SPAG4: variants seen among roughly 807,000 people sequenced by gnomAD.
SPAG4 encodes sperm associated antigen 4.
A neutral mutation model predicts 53.9 loss-of-function variants in SPAG4; 54 were observed. That is an observed-to-expected ratio of 1.00 (90% CI 0.80 to 1.26). The LOEUF is 1.26. Among genes scored for constraint, SPAG4 ranks in the 50% most tolerant of loss-of-function variants. SPAG4 has a pLI of 0.00. For missense variants in SPAG4, 548 were observed against 568.6 expected (o/e 0.96, Z 0.37); for synonymous variants, 246 against 237.4 (o/e 1.04, Z -0.33).
In SPAG4 at chr20:35,620,938, C is replaced by G; in HGVS notation, c.1230C>G (p.Pro410=). The G allele has an allele frequency of 6.2e-7, 1 of 1,614,220 alleles. No individual in the cohort carries two copies. The highest frequency in any genetic ancestry group is 8.5e-7 in the Non-Finnish European group (1 of 1,180,042). ...KIQILSNWGH[P]RFTCLYRVRA... is the part of the protein sequence containing the mutation. ...AGATTCTAAGCAACTGGGGCCACCC[C>G]CGTTTCACGTGCTTGTATCGAGTCC... Residue 410 remains proline, a synonymous_variant, in exon 12 of 12, where the codon CCC becomes CCG. Coordinates refer to ENST00000374273, the MANE Select transcript of SPAG4 (RefSeq NM_003116.3).
At chr20:35,617,986 C>T in intron 4 of SPAG4, 101 bp from the exon 5 acceptor site, 1 of 1,401,640 alleles carries the variant, frequency 7.1e-7, no homozygotes, top group Non-Finnish European at 1.0e-6. Flanking sequence ...CACGGTCCTC[C>T]CCAGGCTTAA....
rs766840013 is a variant in SPAG4, at chr20:35,619,148, C to G, written c.794-47C>G. 8.1e-6 allele frequency: 11 copies of G among 1,350,688 alleles called. 1 individual carries two copies. Among genetic ancestry groups the G allele is most frequent in the Admixed American group, 3.8e-5 (2 of 52,998 alleles). 83.7% of individuals were successfully genotyped at this position (1,350,688 alleles called of 1,614,324 possible). A position where few individuals can be genotyped will look rare whatever the true frequency, so the allele number is the denominator to read the frequency against. ...GCCCCCGCGCCCCCGCGCCCCGACT[C>G]CCGGCAAGGCCTGGGAGCCTCTGAG... On this transcript the variant is annotated intron_variant, in intron 8 of 11. Transcript: ENST00000374273.
At chr20:35,620,587 G>T in intron 10 of SPAG4, 97 bp from the exon 11 acceptor site, 2 of 791,508 alleles carry the variant, frequency 2.5e-6, no homozygotes, top group Non-Finnish European at 4.4e-6. Context: ...TATAGCTATT[G>T]AATACACAGA....
intron 7 of SPAG4, 27 bp downstream of exon 7, chr20:35,618,747 C>G: frequency 6.6e-7 from 1 of 1,512,560 alleles, no homozygotes; most frequent in Non-Finnish European, 9.0e-7. Flanking sequence ...CTTGGAAACC[C>G]CTGATGGATC....
chr20:35,619,535 T>G (rs1601407124), intron 9 of SPAG4, 44 bp from the exon 10 acceptor site: 3 of 1,594,554 alleles, frequency 1.9e-6, no homozygotes, highest in Non-Finnish European at 1.7e-6. Context: ...GCGGCAGCAG[T>G]CGCTCTGTCC....
intron 1 of SPAG4, chr20:35,616,785 A>C: frequency 1.1e-5 from 3 of 263,796 alleles, no homozygotes; most frequent in Admixed American, 5.1e-5. Context: ...GTGCGCCACC[A>C]TGCCCGGCCA....
rs755677502 is a variant in SPAG4, at chr20:35,616,273, C to T, written c.270C>T (p.Ala90=). The change falls in exon 1 of 12, where the codon GCC becomes GCT. Residue 90 remains alanine (A), a synonymous_variant. Coordinates refer to ENST00000374273, the MANE Select transcript of SPAG4 (RefSeq NM_003116.3). ...CTCGGAGCCACAACTGGCAGACAGC[C>T]TGTGGCGCGGCAACCGTGAGGGGCG... ...PAPRSHNWQT[A]CGAATVRGGA... is the part of the protein sequence containing the mutation. The T allele has an allele frequency of 4.0e-6, 6 of 1,486,964 alleles. No homozygotes were observed. The East Asian group carries it at 1.3e-4, about 32-fold the overall frequency. The allele number at this position is 1,486,964 out of a possible 1,614,324, so 92.1% of individuals were successfully genotyped here. A position where few individuals can be genotyped will look rare whatever the true frequency, so the allele number is the denominator to read the frequency against.
At chr20:35,619,382 A>G (rs2031498930) in intron 9 of SPAG4, 72 bp downstream of exon 9, 2 of 1,478,450 alleles carry the variant, frequency 1.4e-6, no homozygotes, top group Admixed American at 3.4e-5. Flanking sequence ...CCCGCCCTAC[A>G]GGCGGAGCTT....
intron 10 of SPAG4, 55 bp from the exon 11 acceptor site, chr20:35,620,629 C>A (rs1315238366): frequency 6.0e-6 from 3 of 499,758 alleles, no homozygotes; most frequent in Non-Finnish European, 7.7e-6. Flanking sequence ...TCTCCCCGCC[C>A]CCCCCGCCCC....
In SPAG4 at chr20:35,618,733, C is replaced by T. The variant is rs2031473561; in HGVS notation, c.717+13C>T. The stretch of plus-strand genomic sequence containing the variant: ...AGCCAACAGCGAGGTGAGCCCCGGC[C>T]CACCTTGGAAACCCCTGATGGATCC... On this transcript the variant is annotated intron_variant, in intron 7 of 11. Coordinates refer to ENST00000374273, the MANE Select transcript of SPAG4 (RefSeq NM_003116.3). 1.3e-6 allele frequency: 2 copies of T among 1,553,870 alleles called. No homozygotes were observed. Among genetic ancestry groups the T allele is most frequent in the Non-Finnish European group, 1.8e-6 (2 of 1,142,182 alleles).
At position 35,618,888 on chromosome 20, in the gene SPAG4, C is replaced by T. The variant is rs776935278; in HGVS notation, c.718-35C>T. ...CCACCTGTAAAAGCAGCCCGCAAGC[C>T]TCGCCCCTCCAGGCCTCGCCCTCCC... is the stretch of plus-strand genomic sequence containing the variant. On this transcript the variant is annotated intron_variant, in intron 7 of 11. Coordinates refer to ENST00000374273, the MANE Select transcript of SPAG4 (RefSeq NM_003116.3). 1.5e-4 allele frequency: 239 copies of T among 1,598,792 alleles called. 2 individuals carry two copies. Among genetic ancestry groups the T allele is most frequent in the Non-Finnish European group, 7.2e-5 (84 of 1,166,228 alleles).
chr20:35,620,480 T>C (rs2031536922), intron 10 of SPAG4, among the ~76,000 whole-genome samples: 2 of 152,194 alleles, frequency 1.3e-5, no homozygotes, highest in South Asian at 2.1e-4. Flanking sequence ...AGAGCAACAC[T>C]CCGTCTCAAA....
intron 8 of SPAG4, 87 bp downstream of exon 8, chr20:35,619,085 C>A: frequency 6.9e-7 from 1 of 1,455,378 alleles, no homozygotes; most frequent in Non-Finnish European, 9.6e-7. Context: ...ACCTGACCGG[C>A]CGAAGACAGA....
rs752571120 is a variant in SPAG4, at chr20:35,617,482, G to GC, written c.410-36dup. 16 of 1,552,046 alleles carry GC rather than the reference G, an allele frequency of 1.0e-5. No homozygotes were observed. In the South Asian group the frequency reaches 1.6e-4, roughly 16 times the overall value. The stretch of plus-strand genomic sequence containing the variant: ...CGCAGGCTGAGCCCCGCCTCTCCCT[G>GC]CCGTGGGCCCCTCTCTGACCCTCTG... On this transcript the variant is annotated intron_variant, in intron 2 of 11. Coordinates refer to ENST00000374273, the MANE Select transcript of SPAG4 (RefSeq NM_003116.3).
At chr20:35,619,817 C>G (rs1032517040) in intron 10 of SPAG4, 71 bp downstream of exon 10, 43 of 1,476,640 alleles carry the variant, frequency 2.9e-5, no homozygotes, top group Non-Finnish European at 3.7e-5. Context: ...GAACTGGTGC[C>G]GTTATCTGAG....
chr20:35,619,574 T>C lies in SPAG4; in HGVS notation c.910-5T>C. 6.2e-7 allele frequency: 1 copy of C among 1,611,178 alleles called. No individual in the cohort carries two copies. The highest frequency in any genetic ancestry group is 8.5e-7 in the Non-Finnish European group (1 of 1,177,878). ...GGTTCCGATGGTCCCTCCGCCCGCC[T>C]GCAGCCCCACGTGTTCCCTGGGAAT... On this transcript the variant is annotated splice_region_variant and splice_polypyrimidine_tract_variant and intron_variant, in intron 9 of 11. Transcript: ENST00000374273.
At position 35,617,220 on chromosome 20, in the gene SPAG4, G is replaced by C. The variant is rs144343270; in HGVS notation, c.389G>C (p.Arg130Pro). The change falls in exon 2 of 12, where the codon CGG becomes CCG. Residue 130 changes from arginine to proline, a missense_variant. Physicochemically the swap from Arg to Pro is moderately radical, Grantham distance 103 (BLOSUM62 -2). Transcript: ENST00000374273. Reference protein sequence around the residue: ...LDLRQEMPPPRVFKSFLSLLF... With the variant: ...LDLRQEMPPPPVFKSFLSLLF... ...CTGAGGCAGGAGATGCCTCCCCCGC[G>C]GGTGTTCAAGAGCTTTCTGAGTACG... The C allele has an allele frequency of 1.8e-5, 28 of 1,599,984 alleles. No homozygotes were observed. Among genetic ancestry groups the C allele is most frequent in the Non-Finnish European group, 2.3e-5 (27 of 1,173,628 alleles).
At chr20:35,618,243 A>C (rs1009412247) in intron 5 of SPAG4, 113 bp downstream of exon 5, 16 of 1,174,090 alleles carry the variant, frequency 1.4e-5, no homozygotes, top group Non-Finnish European at 2.0e-5. Context: ...CAGAGGCTAC[A>C]ATCCTTAAGA....
chr20:35,621,052 T>A lies in SPAG4; in HGVS notation c.*30T>A, dbSNP rs1347592044. 3 of 1,608,672 alleles carry A rather than the reference T, an allele frequency of 1.9e-6. No individual in the cohort carries two copies. The South Asian group carries it at 3.3e-5, about 18-fold the overall frequency. On this transcript the variant is annotated 3_prime_UTR_variant, in exon 12 of 12. Coordinates refer to ENST00000374273, the MANE Select transcript of SPAG4 (RefSeq NM_003116.3). ...GCTGATTTTTGGAGTAGAATTGAGT[T>A]CTGCTGAAGGATACTGGATCAGTGC...
Sources: gnomAD v4.1 joint callset for allele counts (sites outside exome capture counted in the v4.1 genomes callset) on GRCh38, gnomAD v4.1.1 for gene constraint, MANE v1.5 for transcripts, NCBI Gene and HGNC (gene_info 2026-07-23, HGNC 2026-07-21) for gene names.